The following TMEM45A variants were observed in gnomAD, a reference collection of about 807,000 sequenced individuals.
The protein encoded by TMEM45A is DNA polymerase-transactivated protein 4.
In TMEM45A, 25 loss-of-function variants were observed where a neutral mutation model predicts 32.0. The ratio of observed to expected loss-of-function variants is 0.78; its 90% CI spans 0.57 to 1.09. The LOEUF is 1.09. Among genes scored for constraint, TMEM45A ranks in the 50% least tolerant of loss-of-function variants. The pLI is 0.00. For missense variants in TMEM45A, 302 were observed against 325.0 expected (o/e 0.93, Z 0.54); for synonymous variants, 122 against 114.8 (o/e 1.06, Z -0.40).
rs567578463 is a variant in TMEM45A at position 100,540,861 on chromosome 3, C to G, written c.-3-14348C>G. On this transcript the variant is annotated intron_variant, in intron 1 of 5. Transcript: ENST00000323523. ...GGGTATATACCCAGTAATGGAATTG[C>G]TGGGTCAAATGTTAGTTCTAAGTTC... Among the ~76,000 whole-genome samples the G allele has an allele frequency of 7.2e-5, 11 of 152,282 alleles. No homozygotes were observed. The South Asian group carries it at 2.3e-3, about 32-fold the overall frequency.
chr3:100,555,401 G>T lies in TMEM45A; in HGVS notation c.190G>T (p.Gly64Cys). 1 of 1,611,972 alleles carries T rather than the reference G, an allele frequency of 6.2e-7. No individual in the cohort carries two copies. Among genetic ancestry groups the T allele is most frequent in the Non-Finnish European group, 8.5e-7 (1 of 1,178,682 alleles). ...GITIVGMALT[G>C]MAGEQFIPGG... ...TACAATAGTTGGCATGGCTTTAACT[G>T]GTGAGTGGACCATTCTGTGTTCTAT... Residue 64 changes from glycine to cysteine, a missense_variant and splice_region_variant, in exon 2 of 6, where the codon GGC (glycine) becomes TGC (cysteine). Coordinates refer to ENST00000323523, the MANE Select transcript of TMEM45A (RefSeq NM_018004.3).
chr3:100,506,306 A>C (rs144573688), intron 1 of TMEM45A, among the ~76,000 whole-genome samples: 1 of 152,222 alleles, frequency 6.6e-6, no homozygotes, highest in Non-Finnish European at 1.5e-5. Flanking sequence ...ATTAAACTGC[A>C]TCTAAGTTAC....
At chr3:100,504,221 C>G (rs956006480) in intron 1 of TMEM45A, among the ~76,000 whole-genome samples, 1 of 151,672 alleles carries the variant, frequency 6.6e-6, no homozygotes, top group Non-Finnish European at 1.5e-5. Context: ...ACCCCACCCC[C>G]TGAGTCCATT....
chr3:100,557,243 A>G (rs939231432), intron 3 of TMEM45A, among the ~76,000 whole-genome samples: 1 of 152,322 alleles, frequency 6.6e-6, no homozygotes, highest in Non-Finnish European at 1.5e-5. Flanking sequence ...AAGGTTACTC[A>G]TCTCTGGGTT....
intron 5 of TMEM45A, chr3:100,574,073 G>A (rs1440318754): frequency 6.6e-6 from 1 of 152,138 alleles, no homozygotes; most frequent in African/African-American, 2.4e-5. Context: ...TTTTGGTTAT[G>A]TCTCTGCCAG....
chr3:100,532,559 G>C (rs990351441), intron 1 of TMEM45A, among the ~76,000 whole-genome samples: 1 of 152,128 alleles, frequency 6.6e-6, no homozygotes, highest in African/African-American at 2.4e-5. Flanking sequence ...TGCCATGATC[G>C]TTTTATTTTC....
At chr3:100,513,399 G>C (rs1576262661) in intron 1 of TMEM45A, among the ~76,000 whole-genome samples, 2 of 150,792 alleles carry the variant, frequency 1.3e-5, no homozygotes, top group African/African-American at 4.9e-5. Flanking sequence ...AATAGATGCA[G>C]AAAAGGCCTT....
chr3:100,501,019 A>G (rs992631476), intron 1 of TMEM45A, among the ~76,000 whole-genome samples: 2 of 152,210 alleles, frequency 1.3e-5, no homozygotes, highest in African/African-American at 4.8e-5. Flanking sequence ...CACAGGCTTA[A>G]AAACACCTAC....
chr3:100,510,051 C>T (rs929853356), intron 1 of TMEM45A, among the ~76,000 whole-genome samples: 28 of 152,104 alleles, frequency 1.8e-4, no homozygotes, highest in Non-Finnish European at 2.5e-4. Context: ...GAGGAGCGCC[C>T]GCCATTGTCC....
intron 1 of TMEM45A, among the ~76,000 whole-genome samples, chr3:100,503,160 C>T (rs1393535726): frequency 2.6e-5 from 4 of 152,096 alleles, no homozygotes; most frequent in Non-Finnish European, 4.4e-5. Context: ...GGCTGGAGTA[C>T]AGTGGCACAA....
chr3:100,551,637 A>G (rs1706105549), intron 1 of TMEM45A, among the ~76,000 whole-genome samples: 1 of 152,212 alleles, frequency 6.6e-6, no homozygotes, highest in Non-Finnish European at 1.5e-5. Flanking sequence ...GAGGATATGG[A>G]CAATGTTTTC....
At chr3:100,535,161 C>A (rs1705719530) in intron 1 of TMEM45A, among the ~76,000 whole-genome samples, 1 of 151,608 alleles carries the variant, frequency 6.6e-6, no homozygotes, top group South Asian at 2.1e-4. Flanking sequence ...CACTCTGTCA[C>A]CCAGGCTGGA....
intron 1 of TMEM45A, among the ~76,000 whole-genome samples, chr3:100,548,205 A>G (rs1357806173): frequency 1.3e-5 from 2 of 152,170 alleles, no homozygotes; most frequent in East Asian, 3.8e-4. Flanking sequence ...TCACATGCTA[A>G]GCCTAATATG....
intron 3 of TMEM45A, among the ~76,000 whole-genome samples, chr3:100,557,905 C>T (rs531217566): frequency 2.0e-5 from 3 of 152,274 alleles, no homozygotes; most frequent in South Asian, 4.1e-4. Flanking sequence ...AAAATCCACC[C>T]GTATGTGTTT....
At chr3:100,508,683 A>G (rs1253607344) in intron 1 of TMEM45A, among the ~76,000 whole-genome samples, 7 of 152,180 alleles carry the variant, frequency 4.6e-5, no homozygotes, top group Non-Finnish European at 8.8e-5. Context: ...GATTTTCAAC[A>G]AAGGCATCAA....
chr3:100,534,909 C>T (rs936981252), intron 1 of TMEM45A, among the ~76,000 whole-genome samples: 4 of 152,300 alleles, frequency 2.6e-5, no homozygotes, highest in Admixed American at 2.0e-4. Flanking sequence ...GATGACCTCA[C>T]ACACCTCACA....
intron 4 of TMEM45A, among the ~76,000 whole-genome samples, chr3:100,564,485 T>TG: frequency 6.6e-6 from 1 of 151,922 alleles, no homozygotes; most frequent in Admixed American, 6.6e-5. Context: ...TTTTTTTTTT[T>TG]TTTCCTTTGA....
At chr3:100,547,026 A>G (rs937486731) in intron 1 of TMEM45A, among the ~76,000 whole-genome samples, 3 of 152,118 alleles carry the variant, frequency 2.0e-5, no homozygotes, top group African/African-American at 7.2e-5. Context: ...CCAAGTATAG[A>G]TTTTTACTTC....
chr3:100,554,223 T>G (rs1706168247), intron 1 of TMEM45A, among the ~76,000 whole-genome samples: 1 of 152,190 alleles, frequency 6.6e-6, no homozygotes. Context: ...GTATTACTGT[T>G]TATTAACCAG....
Sources: gnomAD v4.1 joint callset for allele counts (sites outside exome capture counted in the v4.1 genomes callset) on GRCh38, gnomAD v4.1.1 for gene constraint, MANE v1.5 for transcripts, NCBI Gene and HGNC (gene_info 2026-07-23, HGNC 2026-07-21) for gene names.